LHCGR: variants seen among roughly 807,000 people sequenced by gnomAD.
LHCGR encodes luteinizing hormone/choriogonadotropin receptor, also known as lutropin-choriogonadotropic hormone receptor.
LHCGR carries 55 observed loss-of-function variants against 60.7 expected under a neutral mutation model. That is an observed-to-expected ratio of 0.91 (90% CI 0.73 to 1.13). LHCGR has a LOEUF of 1.13. Among genes scored for constraint, LHCGR ranks in the 50% most tolerant of loss-of-function variants. The probability of loss-of-function intolerance (pLI) is 0.00; values close to 1 mark genes in which losing one functional copy is unlikely to be tolerated. For missense variants in LHCGR, 862 were observed against 836.0 expected, an observed-to-expected ratio of 1.03 and a Z score of -0.38; for synonymous variants, 337 against 316.5, an observed-to-expected ratio of 1.06 and a Z score of -0.69.
intron 1 of LHCGR, among the ~76,000 whole-genome samples, chr2:48,748,642 C>G (rs1487455737): frequency 6.6e-6 from 1 of 152,196 alleles, no homozygotes; most frequent in Non-Finnish European, 1.5e-5. Flanking sequence ...TACTGTTCAA[C>G]CTCACATATG....
At chr2:48,748,741 G>A (rs1256812769) in intron 1 of LHCGR, among the ~76,000 whole-genome samples, 2 of 152,052 alleles carry the variant, frequency 1.3e-5, no homozygotes, top group Admixed American at 6.6e-5. Context: ...CATACTTTTG[G>A]CTTTTTTTGG....
At chr2:48,692,588 T>C (rs1428066660) in intron 10 of LHCGR, among the ~76,000 whole-genome samples, 1 of 152,158 alleles carries the variant, frequency 6.6e-6, no homozygotes, top group Non-Finnish European at 1.5e-5. Flanking sequence ...GGAGTATGAA[T>C]GGACTCACAT....
chr2:48,750,808 C>T (rs1669923445), intron 1 of LHCGR, among the ~76,000 whole-genome samples: 2 of 152,152 alleles, frequency 1.3e-5, no homozygotes, highest in Non-Finnish European at 2.9e-5. Context: ...GGAGGAATTT[C>T]CCCCTGCCCC....
At chr2:48,726,091 C>T (rs1279901909) in intron 3 of LHCGR, among the ~76,000 whole-genome samples, 3 of 152,056 alleles carry the variant, frequency 2.0e-5, no homozygotes, top group Non-Finnish European at 2.9e-5. Flanking sequence ...CCACTGTGGA[C>T]CCTGTACACT....
intron 10 of LHCGR, among the ~76,000 whole-genome samples, chr2:48,689,957 G>T (rs1021795522): frequency 6.6e-6 from 1 of 152,082 alleles, no homozygotes; most frequent in Admixed American, 6.6e-5. Context: ...CTCGTGATCT[G>T]CCCGCCTCGG....
chr2:48,741,185 A>C (rs1361331877), intron 1 of LHCGR, among the ~76,000 whole-genome samples: 1 of 152,208 alleles, frequency 6.6e-6, no homozygotes, highest in Non-Finnish European at 1.5e-5. Flanking sequence ...GAAATATGGG[A>C]CTATGTGAAA....
Position 48,709,189 on chromosome 2 carries a change from G to T in LHCGR, c.606-167C>A, listed in dbSNP as rs573698572. Among the ~76,000 whole-genome samples the T allele has an allele frequency of 3.9e-5, 6 of 152,322 alleles. No homozygotes were observed. The South Asian group carries it at 1.2e-3, about 32-fold the overall frequency. On this transcript the variant is annotated intron_variant, in intron 7 of 10. Coordinates refer to ENST00000294954, the MANE Select transcript of LHCGR (RefSeq NM_000233.4). ...GGAAAAAGACAAGCTAGTTCTTAAT[G>T]AAATTATGAAATTACTGGCATGTGT...
At chr2:48,691,596 A>T (rs1666831334) in intron 10 of LHCGR, among the ~76,000 whole-genome samples, 1 of 152,208 alleles carries the variant, frequency 6.6e-6, no homozygotes, top group African/African-American at 2.4e-5. Flanking sequence ...CTGTAATCCC[A>T]GCACTTTAGG....
At chr2:48,702,795 G>A (rs1367512347) in intron 8 of LHCGR, among the ~76,000 whole-genome samples, 2 of 152,154 alleles carry the variant, frequency 1.3e-5, no homozygotes, top group Non-Finnish European at 2.9e-5. Context: ...CCAGTAATGG[G>A]ATCGCTCGGT....
At chr2:48,696,945 G>T (rs1667144601) in intron 9 of LHCGR, among the ~76,000 whole-genome samples, 1 of 152,072 alleles carries the variant, frequency 6.6e-6, no homozygotes, top group African/African-American at 2.4e-5. Context: ...CACCAGCTTT[G>T]CTCACCCCCA....
rs377481000 is a variant in LHCGR at position 48,740,557 on chromosome 2, G to A, written c.162-9259C>T. Among the ~76,000 whole-genome samples the A allele has an allele frequency of 6.4e-4, 97 of 152,266 alleles. 2 individuals carry two copies. In the East Asian group the frequency reaches 0.014, roughly 23 times the overall value. On this transcript the variant is annotated intron_variant, in intron 1 of 10. Transcript: ENST00000294954. The stretch of plus-strand genomic sequence containing the variant: ...CCCCTGACCCCTGAGCAGCCTAACT[G>A]GGAGGCACCCCCCAGTAGGGGCAGA...
intron 8 of LHCGR, among the ~76,000 whole-genome samples, chr2:48,701,842 A>G (rs960231220): frequency 1.2e-4 from 18 of 152,230 alleles, no homozygotes; most frequent in African/African-American, 4.3e-4. Context: ...CAAACAAATG[A>G]ACTGGGTTAC....
intron 10 of LHCGR, 53 bp downstream of exon 10, chr2:48,694,171 G>T: frequency 2.9e-6 from 3 of 1,020,342 alleles, no homozygotes; most frequent in South Asian, 2.7e-5. Context: ...TGATAATAAG[G>T]TGCACACAGA....
intron 6 of LHCGR, among the ~76,000 whole-genome samples, chr2:48,718,287 G>T (rs1166132584): frequency 1.3e-5 from 2 of 152,150 alleles, no homozygotes; most frequent in African/African-American, 4.8e-5. Flanking sequence ...GAATCACACA[G>T]AATGGCACCT....
At chr2:48,734,148 C>T (rs1003844383) in intron 1 of LHCGR, among the ~76,000 whole-genome samples, 4 of 152,076 alleles carry the variant, frequency 2.6e-5, no homozygotes, top group African/African-American at 4.8e-5. Context: ...AAATTTGGAC[C>T]GTACACACCT....
intron 8 of LHCGR, among the ~76,000 whole-genome samples, chr2:48,700,381 C>G (rs141249032): frequency 6.6e-6 from 1 of 152,172 alleles, no homozygotes; most frequent in African/African-American, 2.4e-5. Flanking sequence ...CTTTTAGATA[C>G]GATTCAAGTC....
chr2:48,722,487 TG>T (rs1668543148), intron 6 of LHCGR, among the ~76,000 whole-genome samples: 1 of 152,156 alleles, frequency 6.6e-6, no homozygotes, highest in African/African-American at 2.4e-5. Context: ...GACTGGATCA[TG>T]GGGGTGGTTT....
chr2:48,725,397 A>G (rs1668673007), intron 4 of LHCGR, among the ~76,000 whole-genome samples: 1 of 152,150 alleles, frequency 6.6e-6, no homozygotes, highest in African/African-American at 2.4e-5. Flanking sequence ...CATCTCCCAT[A>G]CCCATTGTCA....
rs527855230 is a variant in LHCGR at position 48,754,625 on chromosome 2, T to G, written c.161+886A>C. 1.4e-4 allele frequency among the ~76,000 whole-genome samples: 21 copies of G among 151,864 alleles called. No individual in the cohort carries two copies. In the South Asian group the frequency reaches 3.3e-3, roughly 24 times the overall value. On this transcript the variant is annotated intron_variant, in intron 1 of 10. Coordinates refer to ENST00000294954, the MANE Select transcript of LHCGR (RefSeq NM_000233.4). ...CCCGCCCCAAGCCCATACCCACTGA[T>G]TAGTAGTCACCTACTGTCCCTCCCA...
Sources: allele counts gnomAD v4.1 joint callset (sites outside exome capture counted in the v4.1 genomes callset), GRCh38; gene constraint gnomAD v4.1.1; transcripts MANE v1.5; gene names NCBI Gene and HGNC (gene_info 2026-07-23, HGNC 2026-07-21).